TAOK3: variants seen among roughly 807,000 people sequenced by gnomAD.
TAOK3 encodes the protein serine/threonine-protein kinase TAO3.
In TAOK3, 40 loss-of-function variants were observed where a neutral mutation model predicts 120.4. The ratio of observed to expected loss-of-function variants is 0.33; its 90% CI spans 0.26 to 0.43. The LOEUF (loss-of-function observed/expected upper bound fraction) is 0.43. Ranked by LOEUF, TAOK3 falls within the 20% of genes least tolerant of loss-of-function variation. TAOK3 has a pLI of 1.00. For synonymous variants in TAOK3, 355 were observed against 387.5 expected (o/e 0.92, Z 0.99); for missense variants, 821 against 1,112.1 (o/e 0.74, Z 3.72).
chr12:118,352,020 C>A (rs1416187349), intron 1 of TAOK3, among the ~76,000 whole-genome samples: 1 of 151,370 alleles, frequency 6.6e-6, no homozygotes, highest in Non-Finnish European at 1.5e-5. Context: ...ATTACAGGCA[C>A]CCGCCACCGC....
rs545801022 is a variant in TAOK3 at position 118,323,976 on chromosome 12, C to T, written c.-194+48672G>A. On this transcript the variant is annotated intron_variant, in intron 1 of 20. Transcript: ENST00000392533. ...ACCCTGGGGAAAACAAAATGCTATA[C>T]GAAGGAAGTACATTTAATCATAGTC... Among the ~76,000 whole-genome samples, 9 of 152,038 alleles carry T rather than the reference C, an allele frequency of 5.9e-5. No individual in the cohort carries two copies. In the East Asian group the frequency reaches 1.4e-3, roughly 23 times the overall value.
At chr12:118,154,341 C>A (rs555524242) in intron 19 of TAOK3, among the ~76,000 whole-genome samples, 1 of 152,300 alleles carries the variant, frequency 6.6e-6, no homozygotes, top group Admixed American at 6.5e-5. Context: ...TACCATTGTT[C>A]TGTACCAGCT....
chr12:118,274,420 T>C (rs1191662858), intron 1 of TAOK3, among the ~76,000 whole-genome samples: 2 of 152,196 alleles, frequency 1.3e-5, no homozygotes, highest in Non-Finnish European at 2.9e-5. Flanking sequence ...TGATAACCTT[T>C]AGACTACTCC....
chr12:118,310,715 G>A (rs906429968), intron 1 of TAOK3, among the ~76,000 whole-genome samples: 1 of 151,978 alleles, frequency 6.6e-6, no homozygotes, highest in African/African-American at 2.4e-5. Context: ...TATATAAATA[G>A]GTTTACCACA....
intron 9 of TAOK3, among the ~76,000 whole-genome samples, chr12:118,216,254 A>G (rs543422553): frequency 6.6e-6 from 1 of 152,190 alleles, no homozygotes; most frequent in African/African-American, 2.4e-5. Context: ...CAGCCTCCCA[A>G]AGTGCTGGGA....
At chr12:118,332,347 C>A (rs1186351812) in intron 1 of TAOK3, among the ~76,000 whole-genome samples, 1 of 151,910 alleles carries the variant, frequency 6.6e-6, no homozygotes, top group East Asian at 1.9e-4. Flanking sequence ...ATAAAGCTAT[C>A]TTTTCTCAGA....
At chr12:118,209,250 C>T (rs1005137478) in intron 11 of TAOK3, among the ~76,000 whole-genome samples, 1 of 152,080 alleles carries the variant, frequency 6.6e-6, no homozygotes, top group Non-Finnish European at 1.5e-5. Flanking sequence ...CAGGGTGGAA[C>T]GGTTTTTATG....
At chr12:118,318,614 CT>C (rs1286406619) in intron 1 of TAOK3, among the ~76,000 whole-genome samples, 1 of 152,072 alleles carries the variant, frequency 6.6e-6, no homozygotes, top group Non-Finnish European at 1.5e-5. Context: ...AAAGGGAACC[CT>C]TGTACACTGT....
intron 1 of TAOK3, among the ~76,000 whole-genome samples, chr12:118,330,677 A>G (rs1468145019): frequency 1.3e-5 from 2 of 152,044 alleles, no homozygotes; most frequent in Non-Finnish European, 2.9e-5. Context: ...CGAGAAGAAA[A>G]AGAAACCAAG....
chr12:118,262,458 G>A (rs1216095077), intron 2 of TAOK3, among the ~76,000 whole-genome samples: 2 of 151,866 alleles, frequency 1.3e-5, no homozygotes, highest in African/African-American at 4.8e-5. Flanking sequence ...CTCTAGCCGG[G>A]GCGACAGGGC....
chr12:118,331,759 T>C (rs2044159690), intron 1 of TAOK3, among the ~76,000 whole-genome samples: 2 of 151,540 alleles, frequency 1.3e-5, no homozygotes, highest in African/African-American at 2.4e-5. Flanking sequence ...ATATTATTAG[T>C]ATTAATAAAT....
chr12:118,213,854 T>G (rs531874995), intron 10 of TAOK3, among the ~76,000 whole-genome samples, 163 bp downstream of exon 10: 2 of 152,358 alleles, frequency 1.3e-5, no homozygotes, highest in East Asian at 3.9e-4. Context: ...CATGTGTGCA[T>G]GTGTAGACAG....
At chr12:118,153,655 A>C (rs948385513) in intron 19 of TAOK3, among the ~76,000 whole-genome samples, 2 of 152,190 alleles carry the variant, frequency 1.3e-5, no homozygotes, top group Admixed American at 1.3e-4. Flanking sequence ...GCAGGCCCAC[A>C]GTTTGGCTGA....
At chr12:118,292,894 C>T (rs559150618) in intron 1 of TAOK3, among the ~76,000 whole-genome samples, 1 of 152,146 alleles carries the variant, frequency 6.6e-6, no homozygotes, top group African/African-American at 2.4e-5. Context: ...TCAAGTAATC[C>T]TGTAATGGGA....
At chr12:118,163,319 T>C (rs1435246864) in intron 17 of TAOK3, among the ~76,000 whole-genome samples, 3 of 152,198 alleles carry the variant, frequency 2.0e-5, no homozygotes, top group African/African-American at 7.2e-5. Flanking sequence ...ATTACTGCTA[T>C]TCGATTTTAT....
intron 1 of TAOK3, among the ~76,000 whole-genome samples, chr12:118,283,248 T>G (rs1037415017): frequency 4.6e-5 from 7 of 152,352 alleles, no homozygotes; most frequent in Admixed American, 1.3e-4. Flanking sequence ...CTGAAAGATA[T>G]ATAACACATA....
chr12:118,154,059 G>C (rs1256952339), intron 19 of TAOK3, among the ~76,000 whole-genome samples: 2 of 152,182 alleles, frequency 1.3e-5, no homozygotes, highest in African/African-American at 4.8e-5. Context: ...GGCAGGAACA[G>C]ACTCACAGGT....
At chr12:118,314,083 G>A (rs114170739) in intron 1 of TAOK3, among the ~76,000 whole-genome samples, 1,614 of 152,204 alleles carry the variant, frequency 0.011, 29 homozygotes, top group African/African-American at 0.037. Flanking sequence ...TTCCATCACA[G>A]TACACACTAC....
intron 1 of TAOK3, among the ~76,000 whole-genome samples, chr12:118,289,253 T>G (rs1283854730): frequency 7.2e-6 from 1 of 139,726 alleles, no homozygotes; most frequent in African/African-American, 2.7e-5. Context: ...GATCTGAGAT[T>G]GCGCCGCTGC....
Sources: gnomAD v4.1 joint callset for allele counts (sites outside exome capture counted in the v4.1 genomes callset) on GRCh38, gnomAD v4.1.1 for gene constraint, MANE v1.5 for transcripts, NCBI Gene and HGNC (gene_info 2026-07-23, HGNC 2026-07-21) for gene names.